FLNA: variants seen among roughly 807,000 people sequenced by gnomAD.
The protein encoded by FLNA is filamin A, also known as filamin-A.
In FLNA, 7 loss-of-function variants were observed where a neutral mutation model predicts 157.6. That is an observed-to-expected ratio of 0.04 (90% confidence interval 0.03 to 0.08). The LOEUF (loss-of-function observed/expected upper bound fraction) is 0.08, where lower values mean the gene tolerates loss of function less well. Among genes scored for constraint, FLNA ranks in the 10% least tolerant of loss-of-function variants. FLNA has a pLI of 1.00. For synonymous variants in FLNA, 1,103 were observed against 1,060.8 expected, an observed-to-expected ratio of 1.04 and a Z score of -0.77; for missense variants, 1,750 against 2,398.4, an observed-to-expected ratio of 0.73 and a Z score of 5.65.
rs369668866 is a variant in FLNA, at chrX:154,360,535, C to T, written c.3260G>A (p.Arg1087His). The T allele has an allele frequency of 2.8e-5, 34 of 1,209,148 alleles. 1 individual carries two copies. The African/African-American group carries it at 5.2e-4, about 18-fold the overall frequency. ...LQGGSAGSPA[R>H]FTIDTKGAGT... The stretch of plus-strand genomic sequence containing the variant: ...GGCGCCCTTGGTGTCGATGGTGAAG[C>T]GGGCGGGGGAGCCCGCACTGCCTCC... The change falls in exon 22 of 48, where the codon CGC (arginine) becomes CAC (histidine). Residue 1087 changes from arginine (R) to histidine (H), a missense_variant. Around this residue, in one of 5 missense-constraint regions of FLNA, gnomAD observed 648 missense variants for 805.8 expected, o/e 0.80. Coordinates refer to ENST00000369850, the MANE Select transcript of FLNA (RefSeq NM_001110556.2).
chrX:154,356,782 C>T lies in FLNA; in HGVS notation c.4969+469G>A, dbSNP rs781990597. On this transcript the variant is annotated intron_variant, in intron 30 of 47. Transcript: ENST00000369850. The stretch of plus-strand genomic sequence containing the variant: ...CTGCACTACCAGCCAGCCCCACCCG[C>T]TCATGCACCTCCCCCGGCCCGGGAC... Among the ~76,000 whole-genome samples, 3 of 112,833 alleles carry T rather than the reference C, an allele frequency of 2.7e-5. No homozygotes were observed. In the South Asian group the frequency reaches 1.1e-3, roughly 41 times the overall value.
intron 15 of FLNA, among the ~76,000 whole-genome samples, chrX:154,363,531 A>C (rs5945421): frequency 2.7e-5 from 3 of 109,677 alleles, no homozygotes; most frequent in African/African-American, 1.0e-4. Flanking sequence ...TGGCTAACAC[A>C]GTGAAACCTT....
In FLNA at chrX:154,371,227, G is replaced by C. The variant is rs941318584; in HGVS notation, c.19C>G (p.Arg7Gly). The C allele has an allele frequency of 1.8e-5, 22 of 1,200,196 alleles. No homozygotes were observed. The highest frequency in any genetic ancestry group is 2.4e-5 in the Non-Finnish European group (21 of 891,286). Residue 7 changes from arginine (R) to glycine (G), a missense_variant, in exon 2 of 48, where the codon CGG (arginine) becomes GGG (glycine). Physicochemically the swap from Arg to Gly is moderately radical, Grantham distance 125. Transcript: ENST00000369850. Reference sequence around the variant, plus strand: ...GCGCCTGCTGCGCTCTGGCCCGCCCGAGAGTGGGAGCTACTCATTTTGAGG... The same window carrying C: ...GCGCCTGCTGCGCTCTGGCCCGCCCCAGAGTGGGAGCTACTCATTTTGAGG... The part of the protein sequence containing the change: MSSSHS[R>G]AGQSAAGAAP...
chrX:154,361,877 A>T, intron 19 of FLNA, 90 bp from the exon 20 acceptor site: 1 of 1,108,140 alleles, frequency 9.0e-7, no homozygotes, highest in Non-Finnish European at 1.2e-6. Flanking sequence ...GTCCTCTCCC[A>T]GGTAAGGAAT....
chrX:154,361,057 AAAAAAAAAAAAAAAAAAAAAAAGAAAG>A lies in FLNA; in HGVS notation c.3207+224_3207+250del, dbSNP rs1569551703. Among the ~76,000 whole-genome samples the A allele has an allele frequency of 7.7e-3, 649 of 84,776 alleles. 6 individuals carry two copies. The highest frequency in any genetic ancestry group is 0.011 in the Non-Finnish European group (532 of 46,830). The allele number at this position is 84,776 out of a possible 115,157, so 73.6% of individuals were successfully genotyped here. A position where few individuals can be genotyped will look rare whatever the true frequency, so the allele number is the denominator to read the frequency against. On this transcript the variant is annotated intron_variant, in intron 21 of 47. Coordinates refer to ENST00000369850, the MANE Select transcript of FLNA (RefSeq NM_001110556.2). ...GTGAGACTCTTTCTCAAAAAAAAAA[AAAAAAAAAAAAAAAAAAAAAAAGAAAG>A]AAAAAAAAAAAAAAGAAATTCTTCA...
rs2067604638 is a variant in FLNA, at chrX:154,349,765, C to A, written c.7436G>T (p.Cys2479Phe). Residue 2479 changes from cysteine (C) to phenylalanine (F), a missense_variant, in exon 46 of 48, where the codon TGC becomes TTC. Physicochemically the swap from Cys to Phe is radical, Grantham distance 205 (BLOSUM62 -2). Around this residue, in one of 5 missense-constraint regions of FLNA, gnomAD observed 970 missense variants for 1,302.6 expected, o/e 0.74. Transcript: ENST00000369850. The stretch of plus-strand genomic sequence containing the variant: ...ATAGGTGACGCGGTAGCCCTCAGGG[C>A]ACTCCTGGCAATCCATCTTCACCTT... ...PSKVKMDCQE[C>F]PEGYRVTYTP... 4 of 1,211,451 alleles carry A rather than the reference C, an allele frequency of 3.3e-6. No homozygotes were observed. The highest frequency in any genetic ancestry group is 4.5e-6 in the Non-Finnish European group (4 of 895,259).
chrX:154,370,327 T>G (rs1178028621), intron 2 of FLNA, among the ~76,000 whole-genome samples: 2 of 111,597 alleles, frequency 1.8e-5, no homozygotes, highest in African/African-American at 3.3e-5. Flanking sequence ...CCTGTGTGTG[T>G]GTGGGGGGGT....
chrX:154,348,867 G>A lies in FLNA; in HGVS notation c.7926C>T (p.Tyr2642=). Residue 2642 remains tyrosine, a synonymous_variant, in exon 48 of 48, where the codon TAC becomes TAT. Coordinates refer to ENST00000369850, the MANE Select transcript of FLNA (RefSeq NM_001110556.2). ...WGDEHIPGSP[Y]RVVVP Reference sequence around the variant, plus strand: ...CCCAGACTCAGGGCACCACAACGCGGTAGGGGCTGCCTGGGATGTGCTCGT... The same window carrying A: ...CCCAGACTCAGGGCACCACAACGCGATAGGGGCTGCCTGGGATGTGCTCGT... The A allele has an allele frequency of 8.3e-7, 1 of 1,209,254 alleles. No homozygotes were observed. The highest frequency in any genetic ancestry group is 1.1e-6 in the Non-Finnish European group (1 of 893,958).
At position 154,360,465 on chromosome X, in the gene FLNA, C is replaced by T. The variant is rs781917512; in HGVS notation, c.3330G>A (p.Ala1110=). The T allele has an allele frequency of 2.6e-5, 31 of 1,210,616 alleles. 1 individual carries two copies. The highest frequency in any genetic ancestry group is 1.8e-4 in the East Asian group (6 of 33,778). The change falls in exon 22 of 48, where the codon GCG becomes GCA. Residue 1110 remains alanine, a synonymous_variant. Transcript: ENST00000369850. ...CCCCATTGTCCAAGCACTCGAGCTGCGCCTCACAGGGGCCCTCCACCGTCA... is the reference window on the plus strand; with the variant it reads ...CCCCATTGTCCAAGCACTCGAGCTGTGCCTCACAGGGGCCCTCCACCGTCA... ...LGLTVEGPCE[A]QLECLDNGDG...
chrX:154,356,082 G>A (rs957552644), intron 30 of FLNA, among the ~76,000 whole-genome samples: 1 of 112,330 alleles, frequency 8.9e-6, no homozygotes, highest in African/African-American at 3.2e-5. Context: ...GGCTGCCCAC[G>A]CTGCCCTGGG....
chrX:154,350,517 A>G (rs2067611034), intron 44 of FLNA: 1 of 398,225 alleles, frequency 2.5e-6, no homozygotes, highest in South Asian at 3.5e-5. Flanking sequence ...AGAGACGGGC[A>G]GGAACTTGCT....
intron 14 of FLNA, 33 bp from the exon 15 acceptor site, chrX:154,364,198 G>A: frequency 1.7e-6 from 2 of 1,210,120 alleles, no homozygotes; most frequent in Non-Finnish European, 1.1e-6. Context: ...TGGCCTGCTG[G>A]TCAGTGCCCA....
In FLNA at chrX:154,360,509, C is replaced by T. The variant is rs782149159; in HGVS notation, c.3286G>A (p.Gly1096Ser). Residue 1096 changes from glycine to serine, a missense_variant, in exon 22 of 48, where the codon GGC becomes AGC. Coordinates refer to ENST00000369850, the MANE Select transcript of FLNA (RefSeq NM_001110556.2). ...ARFTIDTKGA[G>S]TGGLGLTVEG... ...ACCGTCAGGCCCAGGCCACCTGTGC[C>T]GGCGCCCTTGGTGTCGATGGTGAAG... 10 of 1,211,083 alleles carry T rather than the reference C, an allele frequency of 8.3e-6. No homozygotes were observed. Among genetic ancestry groups the T allele is most frequent in the South Asian group, 1.8e-5 (1 of 57,056 alleles).
At chrX:154,361,887 T>C in intron 19 of FLNA, 92 bp downstream of exon 19, 1 of 1,115,093 alleles carries the variant, frequency 9.0e-7, no homozygotes, top group South Asian at 1.8e-5. Context: ...AGGTAAGGAA[T>C]GAGAGTGGGC....
At chrX:154,370,237 G>A (rs1264772028) in intron 2 of FLNA, among the ~76,000 whole-genome samples, 1 of 112,767 alleles carries the variant, frequency 8.9e-6, no homozygotes, top group African/African-American at 3.2e-5. Flanking sequence ...TAGTCTACAA[G>A]CCAGGTCTCT....
At position 154,354,597 on chromosome X, in the gene FLNA, C is replaced by T; in HGVS notation, c.5313+19G>A. 1.7e-6 allele frequency: 2 copies of T among 1,191,766 alleles called. 1 individual carries two copies. The highest frequency in any genetic ancestry group is 3.6e-5 in the South Asian group (2 of 55,101). On this transcript the variant is annotated intron_variant, in intron 32 of 47. Transcript: ENST00000369850. ...ACCCAGCTGGCTAGCCCCAGTGTCC[C>T]TAGCTGGCCAGGCCGTACCCAAGTC...
chrX:154,348,915 G>A lies in FLNA; in HGVS notation c.7878C>T (p.Tyr2626=), dbSNP rs782774918. 6 of 1,209,612 alleles carry A rather than the reference G, an allele frequency of 5.0e-6. 1 individual carries two copies. The highest frequency in any genetic ancestry group is 5.6e-6 in the Non-Finnish European group (5 of 894,726). The change falls in exon 48 of 48, where the codon TAC becomes TAT. Residue 2626 remains tyrosine (Y), a synonymous_variant. Transcript: ENST00000369850. ...VSYLLKDKGE[Y]TLVVKWGDEH... is the part of the protein sequence containing the mutation. ...CGTCCCCCCATTTGACCACCAGTGT[G>A]TACTCCCCCTTGTCCTTGAGCAGGT...
At position 154,366,366 on chromosome X, in the gene FLNA, G is replaced by A. The variant is rs1603362865; in HGVS notation, c.1170C>T (p.Gly390=). The A allele has an allele frequency of 8.2e-7, 1 of 1,212,208 alleles. No individual in the cohort carries two copies. The highest frequency in any genetic ancestry group is 1.1e-6 in the Non-Finnish European group (1 of 895,532). ...DASKVTAQGP[G]LEPSGNIANK... is the part of the protein sequence containing the mutation. ...TGGCGATGTTGCCACTGGGCTCCAG[G>A]CCGGGACCTTGGGCTGTCACTTTGC... Residue 390 remains glycine (G), a synonymous_variant, in exon 8 of 48, where the codon GGC becomes GGT. Coordinates refer to ENST00000369850, the MANE Select transcript of FLNA (RefSeq NM_001110556.2).
chrX:154,364,837 G>A lies in FLNA; in HGVS notation c.1812C>T (p.Asp604=), dbSNP rs370735674. The A allele has an allele frequency of 2.1e-4, 250 of 1,209,574 alleles. No homozygotes were observed. Among genetic ancestry groups the A allele is most frequent in the Non-Finnish European group, 2.7e-4 (242 of 895,129 alleles). ...CCAACTTACCCAGCGTGCCCACGTCGTCCCCGATAGCCTCCACCACAAAGT... is the reference window on the plus strand; with the variant it reads ...CCAACTTACCCAGCGTGCCCACGTCATCCCCGATAGCCTCCACCACAAAGT... ...SADFVVEAIG[D]DVGTLGFSVE... The change falls in exon 12 of 48, where the codon GAC becomes GAT. Residue 604 remains aspartate, a synonymous_variant. Transcript: ENST00000369850.
Sources: gnomAD v4.1 joint callset for allele counts (sites outside exome capture counted in the v4.1 genomes callset) on GRCh38, gnomAD v4.1.1 for gene constraint, gnomAD v4.1.1 regional missense constraint, MANE v1.5 for transcripts, NCBI Gene and HGNC (gene_info 2026-07-23, HGNC 2026-07-21) for gene names.